Variants in PPIH observed in about 807,000 individuals in gnomAD.
PPIH encodes the protein peptidyl-prolyl cis-trans isomerase H.
In PPIH, 16 loss-of-function variants were observed where a neutral mutation model predicts 27.6. That is an observed-to-expected ratio of 0.58 (90% CI 0.39 to 0.88). PPIH has a LOEUF of 0.88. Among genes scored for constraint, PPIH ranks in the 40% least tolerant of loss-of-function variants. The pLI, the probability that PPIH is intolerant of heterozygous loss-of-function variation, is 0.00. For synonymous variants in PPIH, 63 were observed against 76.1 expected (o/e 0.83, Z 0.90); for missense variants, 155 against 224.1 (o/e 0.69, Z 1.97).
Position 42,664,927 on chromosome 1 carries a change from G to A in PPIH, c.308G>A (p.Arg103Lys). The A allele has an allele frequency of 6.2e-7, 1 of 1,613,834 alleles. No homozygotes were observed. The highest frequency in any genetic ancestry group is 8.5e-7 in the Non-Finnish European group (1 of 1,179,894). Residue 103 changes from arginine (R) to lysine (K), a missense_variant, in exon 6 of 10, where the codon AGA (arginine) becomes AAA (lysine). Physicochemically the swap from Arg to Lys is conservative, Grantham distance 26 (BLOSUM62 2). Transcript: ENST00000304979. Reference sequence around the variant, plus strand: ...TTTGCAGATGAAAATTTTAAACTTAGACACTCAGCTCCAGGCCTGCTTTCC... The same window carrying A: ...TTTGCAGATGAAAATTTTAAACTTAAACACTCAGCTCCAGGCCTGCTTTCC... The part of the protein sequence containing the change: ...GPFADENFKL[R>K]HSAPGLLSMA...
chr1:42,666,551 A>G lies in PPIH; in HGVS notation c.429A>G (p.Lys143=), dbSNP rs760345332. The change falls in exon 8 of 10, where the codon AAA becomes AAG. Residue 143 remains lysine (K), a synonymous_variant. Transcript: ENST00000304979. ...CAGCTCATGCTCTTCCTACAGGAAA[A>G]ATCATCGATGGACTTCTAGTGATGA... ...WLDGKHVVFG[K]IIDGLLVMRK... 1.2e-6 allele frequency: 2 copies of G among 1,613,922 alleles called. No individual in the cohort carries two copies. Among genetic ancestry groups the G allele is most frequent in the East Asian group, 4.5e-5 (2 of 44,870 alleles).
intron 5 of PPIH, among the ~76,000 whole-genome samples, chr1:42,662,079 G>T (rs1201173961): frequency 6.6e-6 from 1 of 152,208 alleles, no homozygotes. Flanking sequence ...GGGTTTGTTA[G>T]CTGGTAAGAA....
At chr1:42,672,938 C>T (rs1269455705) in intron 9 of PPIH, among the ~76,000 whole-genome samples, 1 of 152,090 alleles carries the variant, frequency 6.6e-6, no homozygotes, top group African/African-American at 2.4e-5. Context: ...CGTGAGCCAC[C>T]ATGCCTGGTC....
Position 42,658,805 on chromosome 1 carries a change from C to T in PPIH, c.67-39C>T, listed in dbSNP as rs372267478. On this transcript the variant is annotated intron_variant, in intron 1 of 9. Coordinates refer to ENST00000304979, the MANE Select transcript of PPIH (RefSeq NM_006347.4). ...CCCTGCTCCGTGAAGCCCTCATGGT[C>T]TTGGACTGGGCCTTCTGACACTCTC... The T allele has an allele frequency of 1.8e-4, 285 of 1,610,222 alleles. No homozygotes were observed. The South Asian group carries it at 2.4e-3, about 14-fold the overall frequency.
chr1:42,670,563 GCTT>G (rs1649573751), intron 9 of PPIH, among the ~76,000 whole-genome samples: 4 of 151,570 alleles, frequency 2.6e-5, no homozygotes, highest in Non-Finnish European at 5.9e-5. Context: ...ATGAACTTTT[GCTT>G]CCAAGAAAGC....
intron 6 of PPIH, among the ~76,000 whole-genome samples, chr1:42,665,377 C>G (rs1649274186): frequency 6.6e-6 from 1 of 152,022 alleles, no homozygotes; most frequent in African/African-American, 2.4e-5. Context: ...TGCACTCCAG[C>G]CTGGGCAACA....
downstream of PPIH, among the ~76,000 whole-genome samples, chr1:42,679,957 C>G (rs1304785743): frequency 2.6e-5 from 4 of 152,220 alleles, no homozygotes; most frequent in African/African-American, 9.6e-5. Context: ...TGTTCTACAC[C>G]ATGTCGCTCA....
chr1:42,666,235 A>G (rs1207061365), intron 7 of PPIH, among the ~76,000 whole-genome samples, 168 bp downstream of exon 7: 1 of 152,174 alleles, frequency 6.6e-6, no homozygotes. Context: ...GTGGCTAGAG[A>G]ACTAGAGGGA....
At chr1:42,665,850 T>C (rs1649301445) in intron 6 of PPIH, 130 bp from the exon 7 acceptor site, 2 of 732,106 alleles carry the variant, frequency 2.7e-6, no homozygotes, top group East Asian at 2.7e-5. Context: ...CCCTGGCTCA[T>C]AATAGGTGCT....
intron 9 of PPIH, among the ~76,000 whole-genome samples, chr1:42,676,183 G>A (rs1649872473): frequency 6.6e-6 from 1 of 152,028 alleles, no homozygotes; most frequent in African/African-American, 2.4e-5. Context: ...AGAATAGCTG[G>A]GAGTGGCCGG....
chr1:42,667,780 C>T (rs1463197245), intron 9 of PPIH, among the ~76,000 whole-genome samples: 2 of 152,186 alleles, frequency 1.3e-5, no homozygotes, highest in Non-Finnish European at 2.9e-5. Context: ...AGTAGTCCCC[C>T]TAGAAAGACC....
intron 5 of PPIH, among the ~76,000 whole-genome samples, chr1:42,662,355 T>G (rs1649084347): frequency 6.6e-6 from 1 of 152,194 alleles, no homozygotes; most frequent in South Asian, 2.1e-4. Flanking sequence ...CTTGGCAACA[T>G]AGTAAGACCC....
intron 1 of PPIH, 116 bp from the exon 2 acceptor site, chr1:42,658,728 G>A (rs1648808273): frequency 7.8e-7 from 1 of 1,277,368 alleles, no homozygotes; most frequent in African/African-American, 1.5e-5. Flanking sequence ...AGACTAGGGA[G>A]GCGGAGGTGG....
In PPIH at chr1:42,664,946, G is replaced by C; in HGVS notation, c.327G>C (p.Leu109=). 6.2e-7 allele frequency: 1 copy of C among 1,613,698 alleles called. No homozygotes were observed. Among genetic ancestry groups the C allele is most frequent in the African/African-American group, 1.3e-5 (1 of 75,010 alleles). ...AACTTAGACACTCAGCTCCAGGCCTGCTTTCCATGGTAAGTGAGGTCCAAT... is the reference window on the plus strand; with the variant it reads ...AACTTAGACACTCAGCTCCAGGCCTCCTTTCCATGGTAAGTGAGGTCCAAT... The part of the protein sequence containing the change: ...NFKLRHSAPG[L]LSMANSGPST... Residue 109 remains leucine (L), a synonymous_variant, in exon 6 of 10, where the codon CTG becomes CTC. Coordinates refer to ENST00000304979, the MANE Select transcript of PPIH (RefSeq NM_006347.4).
chr1:42,679,638 C>G (rs1417296838), downstream of PPIH, among the ~76,000 whole-genome samples: 2 of 152,238 alleles, frequency 1.3e-5, no homozygotes, highest in African/African-American at 4.8e-5. Context: ...GCCATCCCTT[C>G]AAAGCAGTTA....
At chr1:42,667,265 C>T in intron 8 of PPIH, 86 bp from the exon 9 acceptor site, 1 of 1,236,898 alleles carries the variant, frequency 8.1e-7, no homozygotes, top group East Asian at 2.4e-5. Flanking sequence ...GTCCTTAGCA[C>T]AGGGCTGGCA....
rs1649318806 is a variant in PPIH, at chr1:42,666,083, G to T, written c.424+16G>T. The T allele has an allele frequency of 1.2e-6, 2 of 1,610,964 alleles. No homozygotes were observed. The highest frequency in any genetic ancestry group is 3.3e-5 in the Admixed American group (2 of 60,000). Reference sequence around the variant, plus strand: ...GTGGTGTTTGGTAAGTCCTACTCCTGTCTCATGGTCCAGGCCCCATTCACC... The same window carrying T: ...GTGGTGTTTGGTAAGTCCTACTCCTTTCTCATGGTCCAGGCCCCATTCACC... On this transcript the variant is annotated intron_variant, in intron 7 of 9. Coordinates refer to ENST00000304979, the MANE Select transcript of PPIH (RefSeq NM_006347.4).
chr1:42,661,975 C>G (rs542181562), intron 5 of PPIH, among the ~76,000 whole-genome samples: 2 of 152,268 alleles, frequency 1.3e-5, no homozygotes, highest in African/African-American at 4.8e-5. Flanking sequence ...CATATCTTTG[C>G]CATTTCACCA....
downstream of PPIH, among the ~76,000 whole-genome samples, chr1:42,679,866 G>A (rs1649978382): frequency 6.6e-6 from 1 of 152,198 alleles, no homozygotes; most frequent in South Asian, 2.1e-4. Flanking sequence ...CATACACATT[G>A]CTGCTGAAAG....
Sources: allele counts gnomAD v4.1 joint callset (sites outside exome capture counted in the v4.1 genomes callset), GRCh38; gene constraint gnomAD v4.1.1; transcripts MANE v1.5; gene names NCBI Gene and HGNC (gene_info 2026-07-23, HGNC 2026-07-21).